The following EHBP1 variants were observed in gnomAD, a reference collection of about 807,000 sequenced individuals.
EHBP1 encodes the protein EH domain-binding protein 1.
In EHBP1, 55 loss-of-function variants were observed where a neutral mutation model predicts 144.0. The observed-to-expected ratio is 0.38, with a 90% CI of 0.31 to 0.48. The LOEUF is 0.48. Among genes scored for constraint, EHBP1 ranks in the 20% least tolerant of loss-of-function variants. The probability of loss-of-function intolerance (pLI) is 0.98; values close to 1 mark genes in which losing one functional copy is unlikely to be tolerated. For missense variants in EHBP1, 1,200 were observed against 1,364.2 expected (o/e 0.88, Z 1.90); for synonymous variants, 469 against 472.7 (o/e 0.99, Z 0.10).
chr2:62,728,019 G>A (rs1469039181), intron 2 of EHBP1, among the ~76,000 whole-genome samples: 1 of 152,148 alleles, frequency 6.6e-6, no homozygotes, highest in Non-Finnish European at 1.5e-5. Flanking sequence ...GAAGGGTAGG[G>A]TATGAGGGTC....
At chr2:62,832,358 G>C (rs1414975125) in intron 7 of EHBP1, among the ~76,000 whole-genome samples, 1 of 150,648 alleles carries the variant, frequency 6.6e-6, no homozygotes, top group Admixed American at 6.6e-5. Context: ...TTCATCATTA[G>C]ACTCAACTTC....
At chr2:63,033,885 TAACTA>T (rs1329106301) in intron 19 of EHBP1, among the ~76,000 whole-genome samples, 1 of 152,166 alleles carries the variant, frequency 6.6e-6, no homozygotes, top group Non-Finnish European at 1.5e-5. Context: ...TGGTTTTTGT[TAACTA>T]TGTGATAGGA....
intron 19 of EHBP1, among the ~76,000 whole-genome samples, chr2:63,003,292 C>T (rs190983060): frequency 2.6e-5 from 4 of 151,890 alleles, no homozygotes; most frequent in Non-Finnish European, 2.9e-5. Context: ...TATAGACAAG[C>T]GCATATGAGA....
chr2:63,020,522 AAAAG>A (rs1216611030), intron 19 of EHBP1, among the ~76,000 whole-genome samples: 4 of 151,548 alleles, frequency 2.6e-5, no homozygotes, highest in Admixed American at 2.0e-4. Flanking sequence ...AAAGAAAGAA[AAAAG>A]AAAGAAAAGA....
chr2:62,859,116 T>G, intron 7 of EHBP1, 53 bp from the exon 8 acceptor site: 1 of 1,506,948 alleles, frequency 6.6e-7, no homozygotes. Flanking sequence ...TCACGAATGT[T>G]CAATACTTAC....
chr2:62,889,879 G>A (rs1437570463), intron 10 of EHBP1, among the ~76,000 whole-genome samples: 1 of 151,620 alleles, frequency 6.6e-6, no homozygotes, highest in East Asian at 1.9e-4. Context: ...AAGTTGGGTA[G>A]TATGATGCCT....
chr2:62,863,837 GTTGTTTTT>G (rs1283011857), intron 8 of EHBP1, among the ~76,000 whole-genome samples: 2 of 74,576 alleles, frequency 2.7e-5, no homozygotes, highest in African/African-American at 9.8e-5. Context: ...ATTTTTCTGT[GTTGTTTTT>G]TTTTTTTTTT....
At chr2:62,759,369 G>A (rs755003243) in intron 3 of EHBP1, among the ~76,000 whole-genome samples, 2 of 152,062 alleles carry the variant, frequency 1.3e-5, no homozygotes, top group Non-Finnish European at 2.9e-5. Flanking sequence ...AAATGATCAG[G>A]GCTCTCATAG....
At chr2:63,010,400 T>C (rs1366184015) in intron 19 of EHBP1, among the ~76,000 whole-genome samples, 1 of 151,476 alleles carries the variant, frequency 6.6e-6, no homozygotes, top group Non-Finnish European at 1.5e-5. Context: ...CCTAAATGTC[T>C]CAAGGAGAAA....
intron 5 of EHBP1, among the ~76,000 whole-genome samples, chr2:62,820,925 CT>C (rs1270000531): frequency 2.0e-5 from 3 of 150,890 alleles, no homozygotes; most frequent in Non-Finnish European, 3.0e-5. Flanking sequence ...TTGTAAGGTA[CT>C]GGCAATGTTC....
In EHBP1 at chr2:63,046,129, C is replaced by G. The variant is rs2061947527; in HGVS notation, c.*629C>G. The G allele has an allele frequency of 6.6e-6, 1 of 152,658 alleles. No individual in the cohort carries two copies. Among genetic ancestry groups the G allele is most frequent in the Non-Finnish European group, 1.5e-5 (1 of 68,118 alleles). 9.5% of individuals were successfully genotyped at this position (152,658 alleles called of 1,614,324 possible). A position where few individuals can be genotyped will look rare whatever the true frequency, so the allele number is the denominator to read the frequency against. ...CTCAGAGGATGGTCCTTTAACATAG[C>G]CAGAAACAAGCCCTGTGGTTTGAAG... On this transcript the variant is annotated 3_prime_UTR_variant, in exon 23 of 23. Coordinates refer to ENST00000431489, the MANE Select transcript of EHBP1 (RefSeq NM_001142616.3).
At chr2:62,976,355 T>C (rs1438134058) in intron 14 of EHBP1, among the ~76,000 whole-genome samples, 1 of 152,214 alleles carries the variant, frequency 6.6e-6, no homozygotes, top group East Asian at 1.9e-4. Flanking sequence ...GCTTGAGTTC[T>C]ACCCATTGGT....
chr2:62,982,103 C>G (rs1350085369), intron 15 of EHBP1, among the ~76,000 whole-genome samples: 1 of 152,106 alleles, frequency 6.6e-6, no homozygotes, highest in East Asian at 1.9e-4. Flanking sequence ...GGTCTAAGCC[C>G]TAGCTATTGA....
intron 5 of EHBP1, among the ~76,000 whole-genome samples, chr2:62,777,567 T>C (rs1347841019): frequency 6.6e-6 from 1 of 152,134 alleles, no homozygotes; most frequent in Non-Finnish European, 1.5e-5. Flanking sequence ...CCCACAGTTA[T>C]AACTGGTAGT....
chr2:63,007,320 CTATT>C (rs1180251214), intron 19 of EHBP1, among the ~76,000 whole-genome samples: 1 of 151,836 alleles, frequency 6.6e-6, no homozygotes, highest in Non-Finnish European at 1.5e-5. Flanking sequence ...TTAGTTGTAA[CTATT>C]TAAGGGAAAC....
At chr2:62,764,081 C>T (rs927214111) in intron 3 of EHBP1, among the ~76,000 whole-genome samples, 185 bp from the exon 4 acceptor site, 7 of 151,968 alleles carry the variant, frequency 4.6e-5, no homozygotes, top group Non-Finnish European at 8.8e-5. Context: ...AAGCTTAATG[C>T]TTGAAAAGTT....
chr2:62,996,525 G>C, intron 18 of EHBP1, 118 bp from the exon 19 acceptor site: 2 of 1,269,128 alleles, frequency 1.6e-6, no homozygotes, highest in Non-Finnish European at 2.2e-6. Flanking sequence ...TTGGTACTAA[G>C]GGTGATACTA....
At chr2:62,800,565 G>A (rs1260175251) in intron 5 of EHBP1, among the ~76,000 whole-genome samples, 1 of 152,162 alleles carries the variant, frequency 6.6e-6, no homozygotes, top group Non-Finnish European at 1.5e-5. Context: ...GGGAAGAAAT[G>A]TGGATGTAGT....
intron 11 of EHBP1, among the ~76,000 whole-genome samples, chr2:62,943,114 C>T (rs528459942): frequency 6.6e-6 from 1 of 152,278 alleles, no homozygotes; most frequent in East Asian, 1.9e-4. Context: ...TGGCGGCTCA[C>T]GCCTATAATC....
Sources: allele counts gnomAD v4.1 joint callset (sites outside exome capture counted in the v4.1 genomes callset), GRCh38; gene constraint gnomAD v4.1.1; transcripts MANE v1.5; gene names NCBI Gene and HGNC (gene_info 2026-07-23, HGNC 2026-07-21).